The following TECTA variants were observed in gnomAD, a reference collection of about 807,000 sequenced individuals.
TECTA encodes alpha-tectorin.
A neutral mutation model predicts 216.8 loss-of-function variants in TECTA; 128 were observed. The ratio of observed to expected loss-of-function variants is 0.59; its 90% confidence interval spans 0.51 to 0.68. TECTA has a LOEUF of 0.68. Ranked by LOEUF, TECTA falls within the 30% of genes least tolerant of loss-of-function variation. TECTA has a pLI of 0.00. For synonymous variants in TECTA, 1,089 were observed against 1,117.1 expected (o/e 0.97, Z 0.50); for missense variants, 2,551 against 2,786.2 (o/e 0.92, Z 1.90).
chr11:121,170,829 A>G (rs1947104303), intron 20 of TECTA, among the ~76,000 whole-genome samples: 1 of 152,180 alleles, frequency 6.6e-6, no homozygotes, highest in Non-Finnish European at 1.5e-5. Context: ...TCTGGATACT[A>G]ATCCCTTGTT....
Position 121,191,028 on chromosome 11 carries a change from T to C in TECTA, c.*222T>C. The stretch of plus-strand genomic sequence containing the variant: ...CTACAAGCCAGTTATGGAAAGTATC[T>C]CTCTTGTGTAAAATTCCCAAACAGT... On this transcript the variant is annotated 3_prime_UTR_variant, in exon 24 of 24. Coordinates refer to ENST00000392793, the MANE Select transcript of TECTA (RefSeq NM_005422.4). The C allele has an allele frequency of 2.2e-6, 1 of 456,954 alleles. No homozygotes were observed. The highest frequency in any genetic ancestry group is 4.0e-6 in the Non-Finnish European group (1 of 247,710). 28.3% of individuals were successfully genotyped at this position (456,954 alleles called of 1,614,324 possible).
chr11:121,184,876 G>C (rs1056511492), intron 20 of TECTA, among the ~76,000 whole-genome samples: 3 of 152,152 alleles, frequency 2.0e-5, no homozygotes, highest in African/African-American at 7.2e-5. Context: ...TTGGTGTCCT[G>C]CAGGCCTAGA....
intron 16 of TECTA, among the ~76,000 whole-genome samples, chr11:121,163,935 A>G (rs1166929454): frequency 6.6e-6 from 1 of 152,234 alleles, no homozygotes; most frequent in Non-Finnish European, 1.5e-5. Context: ...AAGGATCTTT[A>G]TAAAAGAGAG....
At position 121,109,876 on chromosome 11, in the gene TECTA, G is replaced by A. The variant is rs373433398; in HGVS notation, c.486+378G>A. The stretch of plus-strand genomic sequence containing the variant: ...ACCCAAAGGTCCTTTTCTCTTGCCC[G>A]AGGTACAAGTGCCTCTCTCCATCCC... On this transcript the variant is annotated intron_variant, in intron 4 of 23. Transcript: ENST00000392793. The A allele has an allele frequency of 2.7e-5, 7 of 258,130 alleles. No homozygotes were observed. The East Asian group carries it at 2.9e-4, about 11-fold the overall frequency. The allele number at this position is 258,130 out of a possible 1,614,324, so 16.0% of individuals were successfully genotyped here. A position where few individuals can be genotyped will look rare whatever the true frequency, so the allele number is the denominator to read the frequency against.
intron 20 of TECTA, among the ~76,000 whole-genome samples, chr11:121,179,463 T>C (rs186944403): frequency 4.1e-4 from 62 of 152,306 alleles, no homozygotes; most frequent in African/African-American, 1.5e-3. Context: ...ATACGGTCTA[T>C]CTTGGAAAAT....
intron 20 of TECTA, among the ~76,000 whole-genome samples, chr11:121,172,434 C>G (rs569510064): frequency 6.6e-6 from 1 of 151,800 alleles, no homozygotes; most frequent in Non-Finnish European, 1.5e-5. Flanking sequence ...TGAGAATATG[C>G]GGTGTTTGGT....
At chr11:121,131,751 G>A (rs917843310) in intron 10 of TECTA, among the ~76,000 whole-genome samples, 4 of 152,166 alleles carry the variant, frequency 2.6e-5, no homozygotes, top group Non-Finnish European at 2.9e-5. Flanking sequence ...TTGTCTTAGC[G>A]TTCTTGAAGA....
intron 7 of TECTA, among the ~76,000 whole-genome samples, chr11:121,122,486 G>A (rs1399670857): frequency 6.6e-6 from 1 of 152,000 alleles, no homozygotes; most frequent in East Asian, 1.9e-4. Flanking sequence ...AGCCCAAACA[G>A]ACTAAAACAG....
In TECTA at chr11:121,130,179, A is replaced by T. The variant is rs1454184352; in HGVS notation, c.2909A>T (p.Glu970Val). ...YASACKNADV[E>V]VGPWRTYDFC... ...AGCGCCTGCAAGAATGCGGACGTGG[A>T]GGTGGGGCCCTGGCGGACCTATGAC... Residue 970 changes from glutamate to valine, a missense_variant, in exon 10 of 24, where the codon GAG becomes GTG. This residue lies in a region of TECTA where 2,375 missense variants were observed against 2,563.9 expected (regional missense o/e 0.93). Transcript: ENST00000392793. The T allele has an allele frequency of 6.2e-7, 1 of 1,602,608 alleles. No homozygotes were observed. The highest frequency in any genetic ancestry group is 1.7e-5 in the Admixed American group (1 of 60,002).
intron 14 of TECTA, among the ~76,000 whole-genome samples, chr11:121,158,886 T>C (rs990339640): frequency 6.6e-6 from 1 of 152,158 alleles, no homozygotes; most frequent in Non-Finnish European, 1.5e-5. Context: ...GCTCTCCGAC[T>C]TGAATTCCTC....
intron 12 of TECTA, among the ~76,000 whole-genome samples, chr11:121,151,762 CTG>C (rs1426794744): frequency 2.0e-5 from 3 of 152,096 alleles, no homozygotes; most frequent in African/African-American, 7.2e-5. Context: ...ATTCATAGAA[CTG>C]TGTACTCTAA....
intron 10 of TECTA, among the ~76,000 whole-genome samples, chr11:121,130,617 A>G (rs956641429): frequency 6.6e-6 from 1 of 152,168 alleles, no homozygotes; most frequent in East Asian, 1.9e-4. Flanking sequence ...GGAGATTAGC[A>G]TGCTCCCCAG....
intron 20 of TECTA, among the ~76,000 whole-genome samples, chr11:121,178,557 T>TGTGTGG (rs1486572090): frequency 2.0e-5 from 3 of 150,720 alleles, no homozygotes; most frequent in Admixed American, 2.0e-4. Context: ...TGTGTGTGTG[T>TGTGTGG]GTGTGGTGTC....
chr11:121,159,925 T>C (rs1946981067), intron 14 of TECTA, among the ~76,000 whole-genome samples: 1 of 152,210 alleles, frequency 6.6e-6, no homozygotes, highest in African/African-American at 2.4e-5. Flanking sequence ...GCTGCCTGTT[T>C]GTGTAAATAA....
At position 121,113,453 on chromosome 11, in the gene TECTA, TGATTTTAGAGGTGCTG is replaced by T. The variant is rs1473291591; in HGVS notation, c.625-92_625-77del. ...AGTGACTCCAGGAAAAGACGGCTCT[TGATTTTAGAGGTGCTG>T]GATTTTAAAAATAAGGTAGTTGGGC... On this transcript the variant is annotated intron_variant, in intron 5 of 23. Transcript: ENST00000392793. The surrounding 1 kb of genome is among the most constrained non-coding windows in gnomAD (Gnocchi z 4.2). 15 of 1,551,910 alleles carry T rather than the reference TGATTTTAGAGGTGCTG, an allele frequency of 9.7e-6. No individual in the cohort carries two copies. The African/African-American group carries it at 1.1e-4, about 11-fold the overall frequency.
chr11:121,124,727 T>G (rs1055623332), intron 7 of TECTA, among the ~76,000 whole-genome samples: 1 of 152,174 alleles, frequency 6.6e-6, no homozygotes, highest in Non-Finnish European at 1.5e-5. Context: ...TTTAATTGTG[T>G]TGTTGTTGAA....
intron 15 of TECTA, 91 bp downstream of exon 15, chr11:121,160,512 G>T (rs1481543948): frequency 6.5e-7 from 1 of 1,536,980 alleles, no homozygotes; most frequent in African/African-American, 1.4e-5. Context: ...CTTTTCCTTA[G>T]CACTGCCCCT....
rs558172224 is a variant in TECTA at position 121,144,928 on chromosome 11, C to T, written c.3544-627C>T. On this transcript the variant is annotated intron_variant, in intron 11 of 23. Coordinates refer to ENST00000392793, the MANE Select transcript of TECTA (RefSeq NM_005422.4). ...TGTATGCAGGCTTGATCCTGGCCAGCGGTAGAGAGGAATACAAGAGAAGTA... is the reference window on the plus strand; with the variant it reads ...TGTATGCAGGCTTGATCCTGGCCAGTGGTAGAGAGGAATACAAGAGAAGTA... Among the ~76,000 whole-genome samples, 5 of 152,176 alleles carry T rather than the reference C, an allele frequency of 3.3e-5. No homozygotes were observed. The South Asian group carries it at 6.2e-4, about 19-fold the overall frequency.
intron 1 of TECTA, among the ~76,000 whole-genome samples, chr11:121,101,737 G>A (rs906914484): frequency 6.6e-6 from 1 of 152,216 alleles, no homozygotes; most frequent in Non-Finnish European, 1.5e-5. Context: ...AACTTCAAAT[G>A]ATAAGAGGAA....
Sources: gnomAD v4.1 joint callset for allele counts (sites outside exome capture counted in the v4.1 genomes callset) on GRCh38, gnomAD v4.1.1 for gene constraint, gnomAD v4.1.1 regional missense constraint, Gnocchi (gnomAD v3.1) non-coding constraint, MANE v1.5 for transcripts, NCBI Gene and HGNC (gene_info 2026-07-23, HGNC 2026-07-21) for gene names.